DPP4: variants seen among roughly 807,000 people sequenced by gnomAD.
DPP4 encodes ADCP-2.
A neutral mutation model predicts 122.4 loss-of-function variants in DPP4; 93 were observed. That is an observed-to-expected ratio of 0.76 (90% CI 0.64 to 0.90). The LOEUF is 0.90. Among genes scored for constraint, DPP4 ranks in the 40% least tolerant of loss-of-function variants. The pLI, the probability that DPP4 is intolerant of heterozygous loss-of-function variation, is 0.00. For missense variants in DPP4, 914 were observed against 907.3 expected, an observed-to-expected ratio of 1.01 and a Z score of -0.09; for synonymous variants, 321 against 302.9, an observed-to-expected ratio of 1.06 and a Z score of -0.62.
At chr2:162,016,526 A>G (rs554536203) in intron 18 of DPP4, among the ~76,000 whole-genome samples, 1 of 152,364 alleles carries the variant, frequency 6.6e-6, no homozygotes, top group East Asian at 1.9e-4. Context: ...TGAACTAACG[A>G]TAGAGCATGT....
chr2:162,020,120 T>G (rs1683067790), intron 14 of DPP4, 109 bp downstream of exon 14: 1 of 922,492 alleles, frequency 1.1e-6, no homozygotes, highest in Non-Finnish European at 1.7e-6. Context: ...TTGAACACAT[T>G]CCAAAAAGAC....
intron 9 of DPP4, among the ~76,000 whole-genome samples, chr2:162,033,914 A>G (rs553426081): frequency 7.7e-6 from 1 of 129,164 alleles, no homozygotes; most frequent in Non-Finnish European, 1.6e-5. Context: ...TAAAACTTGA[A>G]GGTCCAAAGC....
intron 19 of DPP4, among the ~76,000 whole-genome samples, chr2:162,012,289 T>C (rs1682730887): frequency 6.6e-6 from 1 of 152,104 alleles, no homozygotes; most frequent in Non-Finnish European, 1.5e-5. Flanking sequence ...ATAATTTCTC[T>C]AATAGTTAAG....
chr2:162,009,085 T>C (rs527933504), intron 21 of DPP4, among the ~76,000 whole-genome samples, 156 bp downstream of exon 21: 1 of 152,238 alleles, frequency 6.6e-6, no homozygotes, highest in South Asian at 2.1e-4. Context: ...GGTGTAAGCC[T>C]AACTCAGTGG....
chr2:162,059,925 T>C (rs1684704433), intron 2 of DPP4, among the ~76,000 whole-genome samples: 2 of 152,244 alleles, frequency 1.3e-5, no homozygotes, highest in African/African-American at 4.8e-5. Context: ...TTTGCTGGGT[T>C]GTTCTAGGCA....
intron 2 of DPP4, among the ~76,000 whole-genome samples, chr2:162,048,278 T>A (rs555413845): frequency 4.5e-4 from 69 of 152,320 alleles, no homozygotes; most frequent in African/African-American, 1.6e-3. Flanking sequence ...CTGTCTGTTT[T>A]TCCACCATGC....
At chr2:162,039,869 A>G (rs187048200) in intron 5 of DPP4, among the ~76,000 whole-genome samples, 6 of 152,188 alleles carry the variant, frequency 3.9e-5, no homozygotes, top group Admixed American at 3.9e-4. Flanking sequence ...AAAATCAACA[A>G]AGCCAAAACT....
chr2:162,004,605 A>ACG (rs1358285073), intron 23 of DPP4, among the ~76,000 whole-genome samples: 1 of 134,130 alleles, frequency 7.5e-6, no homozygotes, highest in African/African-American at 2.8e-5. Context: ...ACACACACGC[A>ACG]CACACACACA....
chr2:162,014,163 A>C (rs1320073953), intron 19 of DPP4, among the ~76,000 whole-genome samples: 1 of 152,172 alleles, frequency 6.6e-6, no homozygotes, highest in Non-Finnish European at 1.5e-5. Context: ...GAAGCAAAAC[A>C]AAAGAAAATC....
chr2:162,064,110 T>C (rs906003349), intron 2 of DPP4, among the ~76,000 whole-genome samples: 1 of 152,184 alleles, frequency 6.6e-6, no homozygotes, highest in Admixed American at 6.5e-5. Flanking sequence ...TCAGTTTTCT[T>C]ATCAAAACAG....
chr2:162,063,755 T>C (rs531629891), intron 2 of DPP4, among the ~76,000 whole-genome samples: 6 of 152,146 alleles, frequency 3.9e-5, no homozygotes, highest in South Asian at 2.1e-4. Context: ...ACAGTGATAA[T>C]AGAAACTCTT....
chr2:162,022,811 A>T lies in DPP4; in HGVS notation c.1024-12T>A, dbSNP rs776530693. On this transcript the variant is annotated splice_polypyrimidine_tract_variant and intron_variant, in intron 11 of 25. Transcript: ENST00000360534. ...ATGTGTTGCCGTGCCTAGGAAGGGA[A>T]AGAGACAATGACAGCATTTCAAAGA... The T allele has an allele frequency of 1.3e-5, 21 of 1,613,956 alleles. No homozygotes were observed. In the East Asian group the frequency reaches 4.5e-4, roughly 34 times the overall value.
At chr2:162,034,969 A>C (rs1415581147) in intron 9 of DPP4, among the ~76,000 whole-genome samples, 195 bp downstream of exon 9, 1 of 151,856 alleles carries the variant, frequency 6.6e-6, no homozygotes, top group Non-Finnish European at 1.5e-5. Context: ...GAGAAATTAC[A>C]AAACCTTAAA....
intron 2 of DPP4, among the ~76,000 whole-genome samples, chr2:162,059,363 G>C (rs1299816806): frequency 6.6e-6 from 1 of 152,176 alleles, no homozygotes; most frequent in African/African-American, 2.4e-5. Context: ...TATGCCCCAT[G>C]AAATTGACTG....
intron 10 of DPP4, among the ~76,000 whole-genome samples, chr2:162,026,837 A>G (rs1367373103): frequency 1.3e-5 from 2 of 152,200 alleles, no homozygotes; most frequent in African/African-American, 4.8e-5. Context: ...AAAGCACAAC[A>G]GAAAAATGAA....
At chr2:162,033,862 G>GTATCTATATATATA (rs1553665299) in intron 9 of DPP4, among the ~76,000 whole-genome samples, 1 of 104,026 alleles carries the variant, frequency 9.6e-6, no homozygotes, top group Non-Finnish European at 1.9e-5. Context: ...CAGAATATGT[G>GTATCTATATATATA]TATATATATA....
At chr2:162,056,715 G>A (rs543424753) in intron 2 of DPP4, among the ~76,000 whole-genome samples, 12 of 152,218 alleles carry the variant, frequency 7.9e-5, no homozygotes, top group African/African-American at 2.6e-4. Context: ...TTTCTAAGAC[G>A]AAGAAAAAGC....
chr2:162,029,783 C>CA (rs1433417501), intron 10 of DPP4, among the ~76,000 whole-genome samples: 1 of 151,256 alleles, frequency 6.6e-6, no homozygotes, highest in Non-Finnish European at 1.5e-5. Flanking sequence ...TACAGTAGAA[C>CA]ATGCCCTTTC....
intron 17 of DPP4, 39 bp downstream of exon 17, chr2:162,017,069 T>C: frequency 6.3e-7 from 1 of 1,594,364 alleles, no homozygotes; most frequent in Non-Finnish European, 8.6e-7. Context: ...GCAACACACT[T>C]TCTTAGAAAC....
Sources: gnomAD v4.1 joint callset for allele counts (sites outside exome capture counted in the v4.1 genomes callset) on GRCh38, gnomAD v4.1.1 for gene constraint, MANE v1.5 for transcripts, NCBI Gene and HGNC (gene_info 2026-07-23, HGNC 2026-07-21) for gene names.